Variants in LAMP1 observed in about 807,000 individuals in gnomAD.
The protein encoded by LAMP1 is lysosome-associated membrane glycoprotein 1.
A neutral mutation model predicts 37.5 loss-of-function variants in LAMP1; 7 were observed. The ratio of observed to expected loss-of-function variants is 0.19; its 90% CI spans 0.11 to 0.35. LAMP1 has a LOEUF of 0.35. Among genes scored for constraint, LAMP1 ranks in the 10% least tolerant of loss-of-function variants. LAMP1 has a pLI of 1.00. For synonymous variants in LAMP1, 236 were observed against 229.1 expected (o/e 1.03, Z -0.27); for missense variants, 537 against 552.8 (o/e 0.97, Z 0.29).
Position 113,309,671 on chromosome 13 carries a change from C to T in LAMP1, c.212C>T (p.Ala71Val). ...KNMTFDLPSD[A>V]TVVLNRSSCG... ...ATGACCTTTGACCTGCCATCAGATGCCACAGTGGTGCTCAACCGCAGCTCC... is the reference window on the plus strand; with the variant it reads ...ATGACCTTTGACCTGCCATCAGATGTCACAGTGGTGCTCAACCGCAGCTCC... The change falls in exon 3 of 9, where the codon GCC becomes GTC. Residue 71 changes from alanine (A) to valine (V), a missense_variant. Physicochemically the swap from Ala to Val is moderately conservative, Grantham distance 64. Coordinates refer to ENST00000332556, the MANE Select transcript of LAMP1 (RefSeq NM_005561.4). 13 of 1,614,030 alleles carry T rather than the reference C, an allele frequency of 8.1e-6. No homozygotes were observed. The highest frequency in any genetic ancestry group is 1.1e-5 in the Non-Finnish European group (13 of 1,179,930).
At position 113,320,714 on chromosome 13, in the gene LAMP1, G is replaced by A. The variant is rs1447510304; in HGVS notation, c.876+244G>A. ...ACAGTTGGAGTGGCTGCAGGGGAGG[G>A]CATGCAGGCCGTGCGGCCTTCTGGC... On this transcript the variant is annotated intron_variant, in intron 6 of 8. Transcript: ENST00000332556. This position sits in a 1 kb window ranked among gnomAD's most constrained non-coding sequence, Gnocchi z 4.4. 3.9e-6 allele frequency: 2 copies of A among 512,342 alleles called. No individual in the cohort carries two copies. The highest frequency in any genetic ancestry group is 7.0e-6 in the Non-Finnish European group (2 of 287,326). The allele number at this position is 512,342 out of a possible 1,614,324, so 31.7% of individuals were successfully genotyped here.
At position 113,297,409 on chromosome 13, in the gene LAMP1, C is replaced by CG. The variant is rs1384975816; in HGVS notation, c.-25dup. 1.3e-6 allele frequency: 1 copy of CG among 779,308 alleles called. No individual in the cohort carries two copies. Among genetic ancestry groups the CG allele is most frequent in the African/African-American group, 1.9e-5 (1 of 54,018 alleles). The allele number at this position is 779,308 out of a possible 1,614,324, so 48.3% of individuals were successfully genotyped here. On this transcript the variant is annotated 5_prime_UTR_variant, in exon 1 of 9. Transcript: ENST00000332556. This position sits in a 1 kb window ranked among gnomAD's most constrained non-coding sequence, Gnocchi z 4.4. The stretch of plus-strand genomic sequence containing the variant: ...AACCGCCGCCCGCGCCCCCGCTCCC[C>CG]GCACCGTACCCGGCCGCCTCGCGCC...
Position 113,323,153 on chromosome 13 carries a change from C to CAG in LAMP1, c.*732_*733insAG, listed in dbSNP as rs2042715659. ...GGACGGGCCACACGTGGCTGGCGGC[C>CAG]TCGTTCCAGTGGCGGCACGTCCTTG... On this transcript the variant is annotated 3_prime_UTR_variant, in exon 9 of 9. Transcript: ENST00000332556. 1 of 152,210 alleles carries CAG rather than the reference C, an allele frequency of 6.6e-6. No homozygotes were observed. The allele number at this position is 152,210 out of a possible 1,614,324, so 9.4% of individuals were successfully genotyped here. A position where few individuals can be genotyped will look rare whatever the true frequency, so the allele number is the denominator to read the frequency against.
chr13:113,308,906 A>T (rs1204181900), intron 2 of LAMP1, among the ~76,000 whole-genome samples: 2 of 152,306 alleles, frequency 1.3e-5, no homozygotes, highest in African/African-American at 4.8e-5. Context: ...TGCTTATAGT[A>T]GTAAATTTAA....
At position 113,320,316 on chromosome 13, in the gene LAMP1, G is replaced by A; in HGVS notation, c.751-29G>A. On this transcript the variant is annotated intron_variant, in intron 5 of 8. Coordinates refer to ENST00000332556, the MANE Select transcript of LAMP1 (RefSeq NM_005561.4). This position sits in a 1 kb window ranked among gnomAD's most constrained non-coding sequence, Gnocchi z 4.4. ...GAGAGTGTGGAGGACCTGAGCTAGGGTGGTGACTTGCTTGCTTGTCTTATG... is the reference window on the plus strand; with the variant it reads ...GAGAGTGTGGAGGACCTGAGCTAGGATGGTGACTTGCTTGCTTGTCTTATG... 3.1e-6 allele frequency: 5 copies of A among 1,613,774 alleles called. No homozygotes were observed. The highest frequency in any genetic ancestry group is 3.4e-6 in the Non-Finnish European group (4 of 1,179,902).
intron 2 of LAMP1, among the ~76,000 whole-genome samples, chr13:113,308,954 CATT>C (rs1479866008): frequency 2.6e-5 from 4 of 152,124 alleles, no homozygotes; most frequent in African/African-American, 9.7e-5. Flanking sequence ...TTTAAAGAAA[CATT>C]ATTTAAATGA....
At chr13:113,307,282 T>G (rs1239422112) in intron 2 of LAMP1, among the ~76,000 whole-genome samples, 1 of 151,708 alleles carries the variant, frequency 6.6e-6, no homozygotes, top group Non-Finnish European at 1.5e-5. Flanking sequence ...CTTAGCCTCC[T>G]GAGTAGCTGG....
chr13:113,298,474 A>G (rs2042554250), intron 1 of LAMP1, among the ~76,000 whole-genome samples: 1 of 147,014 alleles, frequency 6.8e-6, no homozygotes, highest in African/African-American at 2.6e-5. Context: ...AAGGTGATGT[A>G]GAATCAAGCT....
Position 113,306,515 on chromosome 13 carries a change from T to G in LAMP1, c.92T>G (p.Phe31Cys), listed in dbSNP as rs781372178. The G allele has an allele frequency of 6.2e-7, 1 of 1,614,048 alleles. No individual in the cohort carries two copies. Among genetic ancestry groups the G allele is most frequent in the South Asian group, 1.1e-5 (1 of 91,064 alleles). The change falls in exon 2 of 9, where the codon TTT (phenylalanine) becomes TGT (cysteine). Residue 31 changes from phenylalanine to cysteine, a missense_variant. Phe to Cys is a radical substitution (Grantham distance 205). Coordinates refer to ENST00000332556, the MANE Select transcript of LAMP1 (RefSeq NM_005561.4). ...GLMHCASAAM[F>C]MVKNGNGTAC... ...ATGCATTGTGCGTCAGCAGCAATGT[T>G]TATGGTGAAAAATGGCAACGGGACC...
intron 1 of LAMP1, chr13:113,305,655 AT>A (rs1306321998): frequency 1.3e-5 from 2 of 152,144 alleles, no homozygotes; most frequent in African/African-American, 2.4e-5. Flanking sequence ...CACTCCACCG[AT>A]GTGTAGTGCT....
chr13:113,322,263 C>T lies in LAMP1; in HGVS notation c.1115-19C>T. 6.2e-7 allele frequency: 1 copy of T among 1,602,322 alleles called. No homozygotes were observed. The highest frequency in any genetic ancestry group is 8.5e-7 in the Non-Finnish European group (1 of 1,173,192). ...CCCTGTGTGAGCAGAGCCCTGACACCATCCGTCTGTCTTGGCAGTGGAGGA... is the reference window on the plus strand; with the variant it reads ...CCCTGTGTGAGCAGAGCCCTGACACTATCCGTCTGTCTTGGCAGTGGAGGA... On this transcript the variant is annotated intron_variant, in intron 8 of 8. Transcript: ENST00000332556.
intron 1 of LAMP1, among the ~76,000 whole-genome samples, chr13:113,300,263 C>G (rs1006606825): frequency 2.0e-5 from 3 of 151,880 alleles, no homozygotes; most frequent in African/African-American, 7.3e-5. Context: ...GGCGGATCAG[C>G]TGAAGTCAGG....
intron 3 of LAMP1, 58 bp downstream of exon 3, chr13:113,309,920 T>G: frequency 7.2e-7 from 1 of 1,395,216 alleles, no homozygotes; most frequent in Admixed American, 1.7e-5. Flanking sequence ...GAGGATTGTC[T>G]AAAGTTACTT....
Position 113,321,809 on chromosome 13 carries a change from G to T in LAMP1, c.1114+82G>T. On this transcript the variant is annotated intron_variant, in intron 8 of 8. Coordinates refer to ENST00000332556, the MANE Select transcript of LAMP1 (RefSeq NM_005561.4). This position sits in a 1 kb window ranked among gnomAD's most constrained non-coding sequence, Gnocchi z 5.6. ...CCTGTGGACGTTTAGTCGCTTCCGT[G>T]TGGGCTGGGGCGACGCCCCTGTTCC... 3.6e-6 allele frequency: 5 copies of T among 1,401,992 alleles called. No individual in the cohort carries two copies. Among genetic ancestry groups the T allele is most frequent in the South Asian group, 1.2e-5 (1 of 81,090 alleles). The allele number at this position is 1,401,992 out of a possible 1,614,324, so 86.8% of individuals were successfully genotyped here.
Position 113,321,491 on chromosome 13 carries a change from C to G in LAMP1, c.943+21C>G. 1.2e-6 allele frequency: 2 copies of G among 1,613,626 alleles called. No individual in the cohort carries two copies. Among genetic ancestry groups the G allele is most frequent in the African/African-American group, 1.3e-5 (1 of 75,044 alleles). On this transcript the variant is annotated intron_variant, in intron 7 of 8. Transcript: ENST00000332556. This position sits in a 1 kb window ranked among gnomAD's most constrained non-coding sequence, Gnocchi z 5.6. The stretch of plus-strand genomic sequence containing the variant: ...CAGAGGTGAGAACCCACAATCTCTG[C>G]GAGCCCCGCCCCCGCCCGCGCGCCC...
chr13:113,319,459 G>A lies in LAMP1; in HGVS notation c.563-10G>A. On this transcript the variant is annotated splice_polypyrimidine_tract_variant and intron_variant, in intron 4 of 8. Transcript: ENST00000332556. ...ACCCAGACCTGAATCTCCCTCCACTGCACCTGCAGAGACACGCTGTGAACA... is the reference window on the plus strand; with the variant it reads ...ACCCAGACCTGAATCTCCCTCCACTACACCTGCAGAGACACGCTGTGAACA... 1 of 1,596,826 alleles carries A rather than the reference G, an allele frequency of 6.3e-7. No homozygotes were observed.
At chr13:113,318,665 T>C (rs927195754) in intron 4 of LAMP1, among the ~76,000 whole-genome samples, 2 of 152,132 alleles carry the variant, frequency 1.3e-5, no homozygotes, top group Non-Finnish European at 2.9e-5. Flanking sequence ...CTGCTGGGCA[T>C]TCCCCAGGGG....
At chr13:113,300,241 G>A (rs545564123) in intron 1 of LAMP1, among the ~76,000 whole-genome samples, 1 of 152,278 alleles carries the variant, frequency 6.6e-6, no homozygotes, top group South Asian at 2.1e-4. Flanking sequence ...AGCACTTTGG[G>A]AGGCCCAGGT....
rs1434037823 is a variant in LAMP1, at chr13:113,322,803, G to C, written c.*382G>C. 1 of 91,410 alleles carries C rather than the reference G, an allele frequency of 1.1e-5. No individual in the cohort carries two copies. Among genetic ancestry groups the C allele is most frequent in the Non-Finnish European group, 2.2e-5 (1 of 45,560 alleles). 5.7% of individuals were successfully genotyped at this position (91,410 alleles called of 1,614,324 possible). On this transcript the variant is annotated 3_prime_UTR_variant, in exon 9 of 9. Transcript: ENST00000332556. ...GTGCCGCTTTCTCTGAGGGGGTGGG[G>C]GTGCCGCTCTCTCTGAGGGGGTGGG...
Sources: allele counts gnomAD v4.1 joint callset (sites outside exome capture counted in the v4.1 genomes callset), GRCh38; gene constraint gnomAD v4.1.1; non-coding constraint Gnocchi (gnomAD v3.1); transcripts MANE v1.5; gene names NCBI Gene and HGNC (gene_info 2026-07-23, HGNC 2026-07-21).